Variants in ANKRD26 observed in about 807,000 individuals in gnomAD.
ANKRD26 encodes the protein ankyrin repeat domain 26, also known as ankyrin repeat domain-containing protein 26.
A neutral mutation model predicts 208.7 loss-of-function variants in ANKRD26; 141 were observed. The ratio of observed to expected loss-of-function variants is 0.68; its 90% CI spans 0.59 to 0.78. The LOEUF (loss-of-function observed/expected upper bound fraction) is 0.78. Among genes scored for constraint, ANKRD26 ranks in the 30% least tolerant of loss-of-function variants. The pLI is 0.00. For synonymous variants in ANKRD26, 636 were observed against 660.4 expected (o/e 0.96, Z 0.57); for missense variants, 1,889 against 1,938.7 (o/e 0.97, Z 0.48).
downstream of ANKRD26, among the ~76,000 whole-genome samples, chr10:26,970,113 C>T (rs937418681): frequency 3.3e-5 from 5 of 152,148 alleles, no homozygotes; most frequent in Admixed American, 2.0e-4. Context: ...TGAGCCACTT[C>T]GCCCGGCCCT....
chr10:27,092,380 A>C, intron 4 of ANKRD26, 26 bp downstream of exon 4: 1 of 1,555,994 alleles, frequency 6.4e-7, no homozygotes, highest in Non-Finnish European at 8.8e-7. Flanking sequence ...AAGTTTAAAA[A>C]TCCAAAACAA....
intron 9 of ANKRD26, 90 bp downstream of exon 9, chr10:27,077,248 C>T: frequency 8.7e-7 from 1 of 1,150,530 alleles, no homozygotes; most frequent in Non-Finnish European, 1.3e-6. Flanking sequence ...GAAACAAAAA[C>T]TGTATGATCA....
intron 24 of ANKRD26, 37 bp from the exon 25 acceptor site, chr10:27,033,414 C>T (rs1564372302): frequency 6.3e-7 from 1 of 1,583,466 alleles, no homozygotes; most frequent in African/African-American, 1.3e-5. Context: ...TATAAATCAC[C>T]TTATTATTAA....
At chr10:26,948,789 A>G in the ANKRD26 span, among the ~76,000 whole-genome samples, 1 of 152,146 alleles carries the variant, frequency 6.6e-6, no homozygotes, top group Non-Finnish European at 1.5e-5. Flanking sequence ...GAAGTTCAAG[A>G]CTAGCCTGGC....
intron 29 of ANKRD26, among the ~76,000 whole-genome samples, chr10:27,019,330 C>G (rs146042575): frequency 8.1e-4 from 123 of 152,000 alleles, no homozygotes; most frequent in Non-Finnish European, 1.5e-3. Flanking sequence ...CAATATTAAA[C>G]TGAAAAGCTT....
At position 27,082,049 on chromosome 10, in the gene ANKRD26, T is replaced by TA. The variant is rs994610726; in HGVS notation, c.740+753dup. 9.4e-3 allele frequency among the ~76,000 whole-genome samples: 636 copies of TA among 67,594 alleles called. 4 individuals carry two copies. Among genetic ancestry groups the TA allele is most frequent in the African/African-American group, 0.011 (233 of 22,032 alleles). 44.3% of individuals were successfully genotyped at this position (67,594 alleles called of 152,430 possible). Reference sequence around the variant, plus strand: ...CCACGCCCAGCCCTATGCAGTTATTTAAAAAAAAAAAAAAAAAAAAAAAAA... The same window carrying TA: ...CCACGCCCAGCCCTATGCAGTTATTTAAAAAAAAAAAAAAAAAAAAAAAAAA... On this transcript the variant is annotated intron_variant, in intron 6 of 33. Transcript: ENST00000376087.
chr10:27,057,833 A>C (rs912061198), intron 15 of ANKRD26, among the ~76,000 whole-genome samples: 1 of 151,894 alleles, frequency 6.6e-6, no homozygotes, highest in African/African-American at 2.4e-5. Context: ...GCTACTCAGG[A>C]GGCTGAGGCA....
chr10:27,089,621 T>G (rs2056232004), intron 4 of ANKRD26, among the ~76,000 whole-genome samples: 1 of 152,154 alleles, frequency 6.6e-6, no homozygotes, highest in African/African-American at 2.4e-5. Context: ...GCAAAACTCA[T>G]CTCTACAAAA....
rs886046940 is a variant in ANKRD26, at chr10:27,004,886, G to C, written c.*704C>G. The C allele has an allele frequency of 1.2e-5, 3 of 260,658 alleles. No homozygotes were observed. The highest frequency in any genetic ancestry group is 3.7e-3 in the Middle Eastern group (2 of 546). 16.1% of individuals were successfully genotyped at this position (260,658 alleles called of 1,614,324 possible). ...TAGAATGTATTAATGTTGACTTTCTGATTGCAAGGTTTGCACTGTAGTTAT... is the reference window on the plus strand; with the variant it reads ...TAGAATGTATTAATGTTGACTTTCTCATTGCAAGGTTTGCACTGTAGTTAT... On this transcript the variant is annotated 3_prime_UTR_variant, in exon 34 of 34. Transcript: ENST00000376087.
chr10:27,052,355 A>C (rs1589288594), intron 16 of ANKRD26: 2 of 187,778 alleles, frequency 1.1e-5, no homozygotes, highest in East Asian at 3.7e-4. Context: ...ATTATGTGTT[A>C]AATCTACCAA....
chr10:26,998,622 T>C (rs139824083), intron 4 of ANKRD26, among the ~76,000 whole-genome samples: 1 of 152,202 alleles, frequency 6.6e-6, no homozygotes, highest in Non-Finnish European at 1.5e-5. Context: ...GTCAGGAAAT[T>C]CTATAACTGT....
downstream of ANKRD26, among the ~76,000 whole-genome samples, chr10:26,969,818 T>G (rs1326651892): frequency 6.6e-6 from 1 of 151,944 alleles, no homozygotes; most frequent in Non-Finnish European, 1.5e-5. Context: ...TCTGTTTTTT[T>G]TTTTTTTTTA....
chr10:26,968,368 C>T, the ANKRD26 span, among the ~76,000 whole-genome samples: 2 of 152,200 alleles, frequency 1.3e-5, no homozygotes, highest in African/African-American at 4.8e-5. Flanking sequence ...GTGCAGCCTG[C>T]CCTCACTCAC....
chr10:26,998,693 G>T (rs1460878162), intron 4 of ANKRD26, among the ~76,000 whole-genome samples: 1 of 152,180 alleles, frequency 6.6e-6, no homozygotes, highest in African/African-American at 2.4e-5. Context: ...CTCTATTATT[G>T]GTTGTTTTCA....
intron 9 of ANKRD26, among the ~76,000 whole-genome samples, chr10:27,070,803 T>A (rs1038744849): frequency 2.6e-5 from 4 of 151,848 alleles, no homozygotes; most frequent in Admixed American, 6.6e-5. Context: ...GTAGCTGGGA[T>A]TATAGGCACG....
intron 11 of ANKRD26, among the ~76,000 whole-genome samples, chr10:27,065,424 T>C (rs1191402343): frequency 6.6e-6 from 1 of 152,160 alleles, no homozygotes; most frequent in African/African-American, 2.4e-5. Context: ...TATATTCCTA[T>C]AGGATATCTC....
chr10:26,952,217 G>C, the ANKRD26 span, among the ~76,000 whole-genome samples: 9 of 151,852 alleles, frequency 5.9e-5, no homozygotes, highest in Non-Finnish European at 8.8e-5. Flanking sequence ...CATTGACGCT[G>C]CCTCCTGACT....
intron 5 of ANKRD26, among the ~76,000 whole-genome samples, chr10:26,994,712 G>A (rs1052230364): frequency 3.3e-5 from 5 of 152,164 alleles, no homozygotes; most frequent in Admixed American, 6.5e-5. Context: ...CAGAAGTTCT[G>A]GTTTTAGAAT....
chr10:27,030,531 TACG>T (rs1185928012), intron 25 of ANKRD26: 25 of 985,274 alleles, frequency 2.5e-5, no homozygotes, highest in Non-Finnish European at 3.0e-5. Flanking sequence ...GGTTATGTCG[TACG>T]GTGTAGGAGA....
Sources: gnomAD v4.1 joint callset for allele counts (sites outside exome capture counted in the v4.1 genomes callset) on GRCh38, gnomAD v4.1.1 for gene constraint, MANE v1.5 for transcripts, NCBI Gene and HGNC (gene_info 2026-07-23, HGNC 2026-07-21) for gene names.